Variants in LRRC38 observed in about 807,000 individuals in gnomAD.
The protein encoded by LRRC38 is leucine-rich repeat-containing protein 38.
Under a neutral mutation model 16.4 loss-of-function variants are expected in LRRC38, and 5 were observed. The ratio of observed to expected loss-of-function variants is 0.31; its 90% CI spans 0.16 to 0.64. The LOEUF (loss-of-function observed/expected upper bound fraction) is 0.64, where lower values mean the gene tolerates loss of function less well. LRRC38 is among the 30% of genes least tolerant of loss of function. LRRC38 has a pLI of 0.80. For missense variants in LRRC38, 341 were observed against 401.8 expected, an observed-to-expected ratio of 0.85 and a Z score of 1.29; for synonymous variants, 191 against 190.2, an observed-to-expected ratio of 1.00 and a Z score of -0.04.
chr1:13,513,280 T>C lies in LRRC38; in HGVS notation c.314A>G (p.Lys105Arg), dbSNP rs1217864126. The C allele has an allele frequency of 3.9e-6, 6 of 1,550,550 alleles. No individual in the cohort carries two copies. The highest frequency in any genetic ancestry group is 5.2e-6 in the Non-Finnish European group (6 of 1,146,994). ...LEEGTFSGSA[K>R]LVFLDLSYNN... Reference sequence around the variant, plus strand: ...GTAGCTGAGGTCGAGGAACACGAGCTTGGCCGAGCCGCTGAACGTGCCCTC... The same window carrying C: ...GTAGCTGAGGTCGAGGAACACGAGCCTGGCCGAGCCGCTGAACGTGCCCTC... The change falls in exon 1 of 2, where the codon AAG (lysine) becomes AGG (arginine). Residue 105 changes from lysine (K) to arginine (R), a missense_variant. Transcript: ENST00000376085.
At chr1:13,478,558 G>A (rs1638813751) in intron 1 of LRRC38, among the ~76,000 whole-genome samples, 1 of 152,180 alleles carries the variant, frequency 6.6e-6, no homozygotes, top group African/African-American at 2.4e-5. Context: ...TTCAGCCTCT[G>A]CTTGCCTCTG....
At chr1:13,510,258 G>A (rs572416285) in intron 1 of LRRC38, among the ~76,000 whole-genome samples, 7 of 152,140 alleles carry the variant, frequency 4.6e-5, no homozygotes, top group South Asian at 2.1e-4. Flanking sequence ...GGTTTTCTCC[G>A]GCAGGAAGTA....
At chr1:13,495,372 G>A (rs773619823) in intron 1 of LRRC38, among the ~76,000 whole-genome samples, 29 of 152,198 alleles carry the variant, frequency 1.9e-4, no homozygotes, top group Admixed American at 1.2e-3. Flanking sequence ...ACAAGGATCC[G>A]TTGTGAGCAG....
intron 1 of LRRC38, among the ~76,000 whole-genome samples, chr1:13,479,420 A>G (rs772396405): frequency 1.6e-4 from 24 of 152,052 alleles, no homozygotes; most frequent in Non-Finnish European, 2.9e-4. Flanking sequence ...AACCACCACA[A>G]CCCAACAACA....
intron 1 of LRRC38, among the ~76,000 whole-genome samples, chr1:13,481,854 A>G (rs1340964675): frequency 1.3e-5 from 2 of 148,950 alleles, no homozygotes; most frequent in African/African-American, 2.5e-5. Flanking sequence ...AAAGAAGGCG[A>G]CCATCTGCAA....
At chr1:13,493,155 G>A (rs1376759379) in intron 1 of LRRC38, among the ~76,000 whole-genome samples, 2 of 151,396 alleles carry the variant, frequency 1.3e-5, no homozygotes, top group African/African-American at 2.5e-5. Flanking sequence ...TGGCAAGTCA[G>A]AAATCAAGTT....
intron 1 of LRRC38, among the ~76,000 whole-genome samples, chr1:13,489,156 G>A (rs527520144): frequency 9.2e-4 from 140 of 152,234 alleles, no homozygotes; most frequent in African/African-American, 3.3e-3. Context: ...AACATGGAAG[G>A]TTCTCCAGGG....
intron 1 of LRRC38, among the ~76,000 whole-genome samples, chr1:13,476,443 C>T (rs536043189): frequency 6.6e-6 from 1 of 152,222 alleles, no homozygotes; most frequent in South Asian, 2.1e-4. Flanking sequence ...ATTCTCCTGC[C>T]TCAGCCTCCC....
At chr1:13,506,914 C>T (rs552006922) in intron 1 of LRRC38, among the ~76,000 whole-genome samples, 17 of 152,322 alleles carry the variant, frequency 1.1e-4, no homozygotes, top group African/African-American at 3.4e-4. Flanking sequence ...GTAACTGAGC[C>T]GGCTGGAACT....
chr1:13,483,411 A>C (rs907649553), intron 1 of LRRC38, among the ~76,000 whole-genome samples: 2 of 152,118 alleles, frequency 1.3e-5, no homozygotes, highest in Non-Finnish European at 2.9e-5. Context: ...GGCCTCCCGA[A>C]GTGCTGGGAT....
intron 1 of LRRC38, among the ~76,000 whole-genome samples, chr1:13,494,223 G>A (rs958924786): frequency 3.9e-5 from 6 of 152,126 alleles, no homozygotes; most frequent in Non-Finnish European, 8.8e-5. Context: ...AGCCGAGCCC[G>A]GGAGCCAGGT....
At chr1:13,498,856 G>A (rs1036688609) in intron 1 of LRRC38, among the ~76,000 whole-genome samples, 5 of 152,070 alleles carry the variant, frequency 3.3e-5, no homozygotes, top group South Asian at 2.1e-4. Context: ...TCAAGGCATC[G>A]GCAGCGCTGG....
chr1:13,511,538 T>C (rs1480421093), intron 1 of LRRC38, among the ~76,000 whole-genome samples: 3 of 152,050 alleles, frequency 2.0e-5, no homozygotes, highest in Non-Finnish European at 4.4e-5. Flanking sequence ...TGCCTTCACC[T>C]GGAAGACAAC....
intron 1 of LRRC38, among the ~76,000 whole-genome samples, chr1:13,483,791 C>T (rs1041647010): frequency 2.0e-5 from 3 of 152,118 alleles, no homozygotes; most frequent in Admixed American, 6.5e-5. Flanking sequence ...TGGCCACGTA[C>T]GTGCTCGAGA....
chr1:13,485,053 G>T (rs1638914370), intron 1 of LRRC38, among the ~76,000 whole-genome samples: 1 of 139,666 alleles, frequency 7.2e-6, no homozygotes, highest in Non-Finnish European at 1.6e-5. Flanking sequence ...TGAGGCAGGG[G>T]GATCGCCTGA....
At chr1:13,489,941 C>T (rs899325878) in intron 1 of LRRC38, among the ~76,000 whole-genome samples, 1 of 152,146 alleles carries the variant, frequency 6.6e-6, no homozygotes, top group Non-Finnish European at 1.5e-5. Flanking sequence ...AGAGTGTGTC[C>T]TGTAGAAGGG....
intron 1 of LRRC38, among the ~76,000 whole-genome samples, chr1:13,489,607 C>T (rs1175211274): frequency 1.3e-5 from 2 of 152,168 alleles, no homozygotes; most frequent in African/African-American, 4.8e-5. Context: ...GCACGTGCTA[C>T]AGTCGCTGCT....
intron 1 of LRRC38, among the ~76,000 whole-genome samples, chr1:13,495,375 G>A (rs1309011694): frequency 2.0e-5 from 3 of 152,098 alleles, no homozygotes; most frequent in Non-Finnish European, 2.9e-5. Flanking sequence ...AGGATCCGTT[G>A]TGAGCAGAAT....
At chr1:13,477,784 C>T (rs569612132) in intron 1 of LRRC38, among the ~76,000 whole-genome samples, 84 of 152,220 alleles carry the variant, frequency 5.5e-4, no homozygotes, top group Non-Finnish European at 1.0e-3. Context: ...GCTATGATCA[C>T]GCCACTGCAC....
Sources: gnomAD v4.1 joint callset for allele counts (sites outside exome capture counted in the v4.1 genomes callset) on GRCh38, gnomAD v4.1.1 for gene constraint, MANE v1.5 for transcripts, NCBI Gene and HGNC (gene_info 2026-07-23, HGNC 2026-07-21) for gene names.